KLRG2: variants seen among roughly 807,000 people sequenced by gnomAD.
KLRG2 encodes the protein killer cell lectin-like receptor subfamily G member 2.
KLRG2 carries 39 observed loss-of-function variants against 35.4 expected under a neutral mutation model. The ratio of observed to expected loss-of-function variants is 1.10; its 90% CI spans 0.85 to 1.44. The LOEUF is 1.44. Among genes scored for constraint, KLRG2 ranks in the 40% most tolerant of loss-of-function variants. The pLI is 0.00. For missense variants in KLRG2, 632 were observed against 570.9 expected (o/e 1.11, Z -1.09); for synonymous variants, 283 against 265.8 (o/e 1.06, Z -0.63).
chr7:139,431,145 C>T, the KLRG2 span, among the ~76,000 whole-genome samples: 41 of 151,478 alleles, frequency 2.7e-4, no homozygotes, highest in African/African-American at 9.5e-4. Flanking sequence ...AGGAATGAGA[C>T]ACAAAAGAGT....
At chr7:139,459,431 T>C (rs765166220) in intron 3 of KLRG2, among the ~76,000 whole-genome samples, 1 of 152,228 alleles carries the variant, frequency 6.6e-6, no homozygotes, top group East Asian at 1.9e-4. Flanking sequence ...GCCCTAACTC[T>C]AGGCACTCTA....
chr7:139,452,368 G>A (rs1201828617), downstream of KLRG2, among the ~76,000 whole-genome samples: 2 of 152,176 alleles, frequency 1.3e-5, no homozygotes, highest in Non-Finnish European at 2.9e-5. Flanking sequence ...GTTGATGGGT[G>A]CAGCAAACCA....
intron 3 of KLRG2, among the ~76,000 whole-genome samples, chr7:139,472,014 G>A (rs1474500454): frequency 1.3e-5 from 2 of 152,214 alleles, no homozygotes; most frequent in African/African-American, 4.8e-5. Flanking sequence ...GGCAGTTCCT[G>A]ACCCCTAATC....
intron 3 of KLRG2, among the ~76,000 whole-genome samples, chr7:139,464,296 C>T (rs1255913015): frequency 1.3e-5 from 2 of 152,152 alleles, no homozygotes; most frequent in Non-Finnish European, 2.9e-5. Context: ...ACACAGCACG[C>T]TTTAGAAGCC....
chr7:139,445,797 G>GTATATATATATATATA, the KLRG2 span, among the ~76,000 whole-genome samples: 15 of 98,994 alleles, frequency 1.5e-4, no homozygotes, highest in African/African-American at 1.1e-3. Flanking sequence ...ATATATGTGT[G>GTATATATATATATATA]TATATATATA....
chr7:139,434,472 G>T, the KLRG2 span, among the ~76,000 whole-genome samples: 1 of 152,324 alleles, frequency 6.6e-6, no homozygotes, highest in African/African-American at 2.4e-5. Context: ...TCATCTTGAT[G>T]AGTTGCTGGG....
chr7:139,454,845 ATAATAATAATAATAAT>A (rs1204428551), intron 3 of KLRG2, among the ~76,000 whole-genome samples: 39 of 142,370 alleles, frequency 2.7e-4, no homozygotes, highest in African/African-American at 1.0e-3. Context: ...AATAATAATA[ATAATAATAATAATAAT>A]AATAACACAC....
chr7:139,452,565 G>A (rs1167266994), downstream of KLRG2: 2 of 152,230 alleles, frequency 1.3e-5, no homozygotes, highest in Non-Finnish European at 2.9e-5. Context: ...TGTTTGGGAG[G>A]GATCTGGGTG....
chr7:139,445,779 A>ATATGTATATATATATATATG, the KLRG2 span, among the ~76,000 whole-genome samples: 1 of 120,286 alleles, frequency 8.3e-6, no homozygotes, highest in Non-Finnish European at 1.5e-5. Flanking sequence ...ATATATATAT[A>ATATGTATATATATATATATG]TGTATATATA....
rs539346013 is a variant in KLRG2 at position 139,475,822 on chromosome 7, C to T, written c.1005+3805G>A. Among the ~76,000 whole-genome samples, 13 of 152,220 alleles carry T rather than the reference C, an allele frequency of 8.5e-5. No individual in the cohort carries two copies. In the South Asian group the frequency reaches 2.5e-3, roughly 29 times the overall value. On this transcript the variant is annotated intron_variant, in intron 3 of 4. Coordinates refer to ENST00000340940, the MANE Select transcript of KLRG2 (RefSeq NM_198508.4). ...TCCAGAGGCCTGGACTTGCGACGGG[C>T]GTCTGAAGCTGGGCAGCCTTAGGGA...
At chr7:139,427,638 C>T in the KLRG2 span, among the ~76,000 whole-genome samples, 14 of 152,142 alleles carry the variant, frequency 9.2e-5, no homozygotes, top group Admixed American at 6.6e-4. Context: ...AGTTGCATGC[C>T]AGCTCCATAT....
At chr7:139,465,458 C>T (rs1388847252) in intron 3 of KLRG2, among the ~76,000 whole-genome samples, 8 of 152,052 alleles carry the variant, frequency 5.3e-5, no homozygotes, top group African/African-American at 1.5e-4. Flanking sequence ...TTTGGGAGGC[C>T]GAGGTGGGTG....
chr7:139,483,374 C>G lies in KLRG2; in HGVS notation c.269G>C (p.Cys90Ser). 6.5e-7 allele frequency: 1 copy of G among 1,540,316 alleles called. No homozygotes were observed. Among genetic ancestry groups the G allele is most frequent in the Non-Finnish European group, 8.7e-7 (1 of 1,154,660 alleles). The change falls in exon 1 of 5, where the codon TGC (cysteine) becomes TCC (serine). Residue 90 changes from cysteine (C) to serine (S), a missense_variant. By Grantham distance (112) the Cys-to-Ser change is moderately radical (BLOSUM62 -1). Coordinates refer to ENST00000340940, the MANE Select transcript of KLRG2 (RefSeq NM_198508.4). The stretch of plus-strand genomic sequence containing the variant: ...AGGGCCCGGTGACGGCGGCTCGGGG[C>G]AGACCCCGTAGCCCAGGCTGAGCGG... ...VPPLSLGYGV[C>S]PEPPSPGPAL...
chr7:139,476,124 C>T (rs1796846078), intron 3 of KLRG2, among the ~76,000 whole-genome samples: 1 of 152,028 alleles, frequency 6.6e-6, no homozygotes, highest in South Asian at 2.1e-4. Context: ...AAATTGAGGC[C>T]AGGCACGGTG....
intron 3 of KLRG2, among the ~76,000 whole-genome samples, chr7:139,461,786 T>A (rs1437565363): frequency 6.6e-6 from 1 of 152,088 alleles, no homozygotes; most frequent in African/African-American, 2.4e-5. Flanking sequence ...TCAGCCCGCC[T>A]GCACCCAGGT....
At position 139,481,424 on chromosome 7, in the gene KLRG2, C is replaced by T. The variant is rs547212316; in HGVS notation, c.758-1177G>A. On this transcript the variant is annotated intron_variant, in intron 1 of 4. Transcript: ENST00000340940. ...AAAAGTTCCTGAGTGATCCAAGCCCCTGAACCCTAGCCCTGTCTAAGAACC... is the reference window on the plus strand; with the variant it reads ...AAAAGTTCCTGAGTGATCCAAGCCCTTGAACCCTAGCCCTGTCTAAGAACC... Among the ~76,000 whole-genome samples, 10 of 152,366 alleles carry T rather than the reference C, an allele frequency of 6.6e-5. No individual in the cohort carries two copies. The South Asian group carries it at 1.4e-3, about 22-fold the overall frequency.
chr7:139,476,351 G>T (rs1380210527), intron 3 of KLRG2, among the ~76,000 whole-genome samples: 2 of 152,172 alleles, frequency 1.3e-5, no homozygotes, highest in Non-Finnish European at 2.9e-5. Flanking sequence ...AGAAATTCCA[G>T]AACAGCTGTG....
Position 139,483,631 on chromosome 7 carries a change from A to C in KLRG2, c.12T>G (p.Ser4=). MEE[S]WEAAPGGQAG... ...CTTGGCCTCCGGGCGCAGCCTCCCAAGACTCCTCCATCCCGCGCGCCCCGC... is the reference window on the plus strand; with the variant it reads ...CTTGGCCTCCGGGCGCAGCCTCCCACGACTCCTCCATCCCGCGCGCCCCGC... Residue 4 remains serine, a synonymous_variant, in exon 1 of 5, where the codon TCT becomes TCG. Transcript: ENST00000340940. 1 of 1,552,540 alleles carries C rather than the reference A, an allele frequency of 6.4e-7. No individual in the cohort carries two copies. Among genetic ancestry groups the C allele is most frequent in the Non-Finnish European group, 8.6e-7 (1 of 1,158,462 alleles).
At chr7:139,457,741 C>G (rs187847847) in intron 3 of KLRG2, among the ~76,000 whole-genome samples, 21 of 152,236 alleles carry the variant, frequency 1.4e-4, no homozygotes, top group South Asian at 8.3e-4. Flanking sequence ...AGGCCTCCCC[C>G]GAGCCCCAGC....
Sources: allele counts gnomAD v4.1 joint callset (sites outside exome capture counted in the v4.1 genomes callset), GRCh38; gene constraint gnomAD v4.1.1; transcripts MANE v1.5; gene names NCBI Gene and HGNC (gene_info 2026-07-23, HGNC 2026-07-21).